The following PDCD10 variants were observed in gnomAD, a reference collection of about 807,000 sequenced individuals.
PDCD10 encodes the protein programmed cell death protein 10.
Under a neutral mutation model 29.2 loss-of-function variants are expected in PDCD10, and 4 were observed. The observed-to-expected ratio is 0.14, with a 90% CI of 0.07 to 0.31. The LOEUF is 0.31. PDCD10 is among the 10% of genes least tolerant of loss of function. The probability of loss-of-function intolerance (pLI) is 1.00; values close to 1 mark genes in which losing one functional copy is unlikely to be tolerated. For synonymous variants in PDCD10, 70 were observed against 82.2 expected, an observed-to-expected ratio of 0.85 and a Z score of 0.80; for missense variants, 183 against 257.9, an observed-to-expected ratio of 0.71 and a Z score of 1.99.
intron 3 of PDCD10, among the ~76,000 whole-genome samples, chr3:167,712,726 T>G (rs141886663): frequency 9.2e-5 from 14 of 152,112 alleles, no homozygotes; most frequent in Admixed American, 2.0e-4. Flanking sequence ...ACATTTCACC[T>G]ATAAAGACAT....
At chr3:167,720,488 A>G (rs1436303530) in intron 2 of PDCD10, among the ~76,000 whole-genome samples, 2 of 152,108 alleles carry the variant, frequency 1.3e-5, no homozygotes, top group African/African-American at 2.4e-5. Flanking sequence ...GTTAGGTACT[A>G]CTTCACAAAG....
At chr3:167,708,242 A>C (rs1722185192) in intron 3 of PDCD10, among the ~76,000 whole-genome samples, 1 of 151,744 alleles carries the variant, frequency 6.6e-6, no homozygotes, top group African/African-American at 2.4e-5. Flanking sequence ...ACACTTTTCC[A>C]GCATCAAGTT....
intron 6 of PDCD10, among the ~76,000 whole-genome samples, chr3:167,694,940 T>A (rs1016215119): frequency 1.3e-5 from 2 of 152,252 alleles, no homozygotes; most frequent in Non-Finnish European, 2.9e-5. Flanking sequence ...CTTTGTTTTT[T>A]ATCCACTGAG....
intron 2 of PDCD10, among the ~76,000 whole-genome samples, chr3:167,729,303 GT>G (rs1460102928): frequency 6.6e-6 from 1 of 152,120 alleles, no homozygotes; most frequent in Admixed American, 6.6e-5. Flanking sequence ...TTCCTAATAG[GT>G]TTTTTAAAAA....
intron 2 of PDCD10, among the ~76,000 whole-genome samples, chr3:167,723,188 C>T (rs970015136): frequency 1.3e-5 from 2 of 152,166 alleles, no homozygotes; most frequent in African/African-American, 2.4e-5. Context: ...ATTTCAACTT[C>T]GAGTTAAAAT....
chr3:167,712,907 A>G (rs1429283752), intron 3 of PDCD10, among the ~76,000 whole-genome samples: 1 of 152,078 alleles, frequency 6.6e-6, no homozygotes, highest in Non-Finnish European at 1.5e-5. Context: ...AGGATATGAT[A>G]ATTGTAAATA....
At chr3:167,717,241 A>G (rs1723114574) in intron 3 of PDCD10, among the ~76,000 whole-genome samples, 1 of 151,992 alleles carries the variant, frequency 6.6e-6, no homozygotes, top group Admixed American at 6.6e-5. Context: ...CAGTACTAAA[A>G]TTTCCTCAGG....
At position 167,697,129 on chromosome 3, in the gene PDCD10, A is replaced by ATAATAAAGAGAAAACTAGTTTTG; in HGVS notation, c.151-26_151-4dup. On this transcript the variant is annotated splice_polypyrimidine_tract_variant and splice_region_variant and intron_variant, in intron 4 of 8. Coordinates refer to ENST00000392750, the MANE Select transcript of PDCD10 (RefSeq NM_007217.4). ...AGACCTGGATTTTCTTTTTCAGCCTATAATAAAGAGAAAACTAGTTTTGAA... is the reference window on the plus strand; with the variant it reads ...AGACCTGGATTTTCTTTTTCAGCCTATAATAAAGAGAAAACTAGTTTTGTAATAAAGAGAAAACTAGTTTTGAA... 1 of 1,482,894 alleles carries ATAATAAAGAGAAAACTAGTTTTG rather than the reference A, an allele frequency of 6.7e-7. No individual in the cohort carries two copies. Among genetic ancestry groups the ATAATAAAGAGAAAACTAGTTTTG allele is most frequent in the East Asian group, 2.3e-5 (1 of 44,238 alleles). 91.9% of individuals were successfully genotyped at this position (1,482,894 alleles called of 1,614,324 possible). A position where few individuals can be genotyped will look rare whatever the true frequency, so the allele number is the denominator to read the frequency against.
intron 6 of PDCD10, among the ~76,000 whole-genome samples, chr3:167,688,955 A>G (rs889276524): frequency 6.6e-6 from 1 of 152,148 alleles, no homozygotes; most frequent in Non-Finnish European, 1.5e-5. Context: ...AAGCATACAG[A>G]ATTTTGATAT....
At chr3:167,691,536 C>T (rs560255391) in intron 6 of PDCD10, among the ~76,000 whole-genome samples, 4 of 152,242 alleles carry the variant, frequency 2.6e-5, no homozygotes, top group South Asian at 2.1e-4. Context: ...GTTTTCAAAC[C>T]GCAGCTCCCT....
intron 8 of PDCD10, among the ~76,000 whole-genome samples, chr3:167,684,961 T>C (rs1477685544): frequency 2.6e-5 from 4 of 152,142 alleles, no homozygotes; most frequent in Non-Finnish European, 1.5e-5. Context: ...TAAAAATATA[T>C]TCTTTAAAAC....
chr3:167,720,270 T>G lies in PDCD10; in HGVS notation c.-113A>C. ...AAAGAATTGGACACAAAAAACACACTGATCTGGTGAAAGAGGAAGAAAGAA... is the reference window on the plus strand; with the variant it reads ...AAAGAATTGGACACAAAAAACACACGGATCTGGTGAAAGAGGAAGAAAGAA... On this transcript the variant is annotated 5_prime_UTR_variant, in exon 3 of 9. Transcript: ENST00000392750. 2.8e-6 allele frequency: 2 copies of G among 727,146 alleles called. No individual in the cohort carries two copies. The highest frequency in any genetic ancestry group is 5.3e-5 in the East Asian group (2 of 37,616). 45.0% of individuals were successfully genotyped at this position (727,146 alleles called of 1,614,324 possible).
intron 6 of PDCD10, among the ~76,000 whole-genome samples, chr3:167,691,110 G>A (rs907977881): frequency 3.9e-5 from 6 of 152,092 alleles, no homozygotes; most frequent in Admixed American, 2.6e-4. Flanking sequence ...TTGGAGAAAC[G>A]CCTGAAGAAG....
At chr3:167,696,009 CAG>C (rs1720773591) in intron 5 of PDCD10, among the ~76,000 whole-genome samples, 2 of 139,338 alleles carry the variant, frequency 1.4e-5, no homozygotes, top group African/African-American at 5.4e-5. Context: ...AAAAAAAAAA[CAG>C]ATTTAAAAGG....
intron 3 of PDCD10, among the ~76,000 whole-genome samples, chr3:167,705,762 A>G (rs1721909880): frequency 1.3e-5 from 2 of 152,328 alleles, no homozygotes; most frequent in South Asian, 4.1e-4. Context: ...ACAGCCCAGT[A>G]AACAAATGTA....
At chr3:167,726,597 G>C (rs569108135) in intron 2 of PDCD10, among the ~76,000 whole-genome samples, 1 of 152,230 alleles carries the variant, frequency 6.6e-6, no homozygotes, top group South Asian at 2.1e-4. Flanking sequence ...CAGAAATACT[G>C]AAGTACTCAC....
intron 4 of PDCD10, among the ~76,000 whole-genome samples, chr3:167,701,339 C>T (rs1721406570): frequency 1.3e-5 from 2 of 152,064 alleles, no homozygotes; most frequent in Non-Finnish European, 2.9e-5. Context: ...GAGATATCTA[C>T]ATATACATAC....
intron 2 of PDCD10, among the ~76,000 whole-genome samples, chr3:167,724,207 C>T (rs1182650996): frequency 6.6e-6 from 1 of 152,214 alleles, no homozygotes; most frequent in Non-Finnish European, 1.5e-5. Context: ...AGAGGAACAA[C>T]AGAAGCTCTT....
intron 5 of PDCD10, 105 bp from the exon 6 acceptor site, chr3:167,695,827 G>A: frequency 9.0e-7 from 1 of 1,116,996 alleles, no homozygotes; most frequent in Non-Finnish European, 1.4e-6. Context: ...GGAGGTGAAA[G>A]GCCAGATAAT....
Sources: gnomAD v4.1 joint callset for allele counts (sites outside exome capture counted in the v4.1 genomes callset) on GRCh38, gnomAD v4.1.1 for gene constraint, MANE v1.5 for transcripts, NCBI Gene and HGNC (gene_info 2026-07-23, HGNC 2026-07-21) for gene names.